The following SLC20A2 variants were observed in gnomAD, a reference collection of about 807,000 sequenced individuals.
The protein encoded by SLC20A2 is sodium-dependent phosphate transporter 2.
Under a neutral mutation model 61.0 loss-of-function variants are expected in SLC20A2, and 30 were observed. The observed-to-expected ratio is 0.49, with a 90% CI of 0.37 to 0.67. The LOEUF (loss-of-function observed/expected upper bound fraction) is 0.67, where lower values mean the gene tolerates loss of function less well. Ranked by LOEUF, SLC20A2 falls within the 30% of genes least tolerant of loss-of-function variation. The pLI, the probability that SLC20A2 is intolerant of heterozygous loss-of-function variation, is 0.00. For synonymous variants in SLC20A2, 351 were observed against 353.3 expected, an observed-to-expected ratio of 0.99 and a Z score of 0.07; for missense variants, 626 against 866.4, an observed-to-expected ratio of 0.72 and a Z score of 3.48.
chr8:42,515,934 G>A (rs1811298708), intron 1 of SLC20A2, among the ~76,000 whole-genome samples: 1 of 152,216 alleles, frequency 6.6e-6, no homozygotes, highest in Admixed American at 6.5e-5. Context: ...AAGCTTGGGT[G>A]CAAACCATGG....
At chr8:42,492,081 G>A (rs1809560499) in intron 1 of SLC20A2, among the ~76,000 whole-genome samples, 1 of 152,194 alleles carries the variant, frequency 6.6e-6, no homozygotes, top group African/African-American at 2.4e-5. Context: ...ACTGGGCTGG[G>A]TGCGGTGGCT....
chr8:42,469,495 G>GA (rs924005136), intron 2 of SLC20A2, among the ~76,000 whole-genome samples: 34 of 152,196 alleles, frequency 2.2e-4, no homozygotes, highest in Non-Finnish European at 7.3e-5. Flanking sequence ...CCCGTCTGCA[G>GA]AAAGAGTGAG....
intron 2 of SLC20A2, among the ~76,000 whole-genome samples, chr8:42,469,561 T>A (rs764023192): frequency 6.6e-6 from 1 of 152,138 alleles, no homozygotes; most frequent in Non-Finnish European, 1.5e-5. Context: ...CAGCGTGGCT[T>A]CCCTAACAAA....
chr8:42,428,698 C>T (rs923058940), intron 10 of SLC20A2, 60 bp downstream of exon 10: 8 of 1,471,554 alleles, frequency 5.4e-6, no homozygotes, highest in African/African-American at 4.2e-5. Context: ...GCATGCGCTC[C>T]GGTGGCCCTG....
In SLC20A2 at chr8:42,465,770, C is replaced by T. The variant is rs891762391; in HGVS notation, c.430+7G>A. Reference sequence around the variant, plus strand: ...CCTTCTTATGGGTAAAAGAAAATGCCAATTACCAATCTTGACAAGCTCCAT... The same window carrying T: ...CCTTCTTATGGGTAAAAGAAAATGCTAATTACCAATCTTGACAAGCTCCAT... On this transcript the variant is annotated splice_region_variant and intron_variant, in intron 3 of 10. Transcript: ENST00000520262. The T allele has an allele frequency of 6.3e-7, 1 of 1,578,934 alleles. No homozygotes were observed. The highest frequency in any genetic ancestry group is 8.6e-7 in the Non-Finnish European group (1 of 1,168,028).
At chr8:42,523,420 T>C (rs79656101) in intron 1 of SLC20A2, among the ~76,000 whole-genome samples, 1,845 of 152,322 alleles carry the variant, frequency 0.012, 39 homozygotes, top group African/African-American at 0.041. Flanking sequence ...ATAGCATAAA[T>C]TCAATGCAAG....
At chr8:42,489,381 T>A (rs1809333074) in intron 1 of SLC20A2, among the ~76,000 whole-genome samples, 1 of 152,210 alleles carries the variant, frequency 6.6e-6, no homozygotes, top group Non-Finnish European at 1.5e-5. Context: ...CTGAAGACTG[T>A]CTGCTAAGTT....
chr8:42,442,428 G>A (rs1804859832), intron 6 of SLC20A2, among the ~76,000 whole-genome samples: 1 of 152,078 alleles, frequency 6.6e-6, no homozygotes, highest in African/African-American at 2.4e-5. Context: ...TTTGGCATAT[G>A]GATGTCAAGT....
At chr8:42,525,242 C>T (rs1207921786) in intron 1 of SLC20A2, among the ~76,000 whole-genome samples, 2 of 152,156 alleles carry the variant, frequency 1.3e-5, no homozygotes, top group Non-Finnish European at 2.9e-5. Context: ...AGAATGCTCA[C>T]GCCTCTGAAA....
intron 1 of SLC20A2, among the ~76,000 whole-genome samples, chr8:42,528,137 A>G (rs1812092648): frequency 6.6e-6 from 1 of 152,192 alleles, no homozygotes; most frequent in East Asian, 1.9e-4. Context: ...ACCACAGGAT[A>G]TTGATAGAGT....
intron 1 of SLC20A2, among the ~76,000 whole-genome samples, chr8:42,530,763 T>G: frequency 6.6e-6 from 1 of 152,202 alleles, no homozygotes; most frequent in Non-Finnish European, 1.5e-5. Flanking sequence ...TCACCCAGGC[T>G]GGAGTGCAGT....
intron 5 of SLC20A2, among the ~76,000 whole-genome samples, chr8:42,455,429 G>C (rs929220007): frequency 6.6e-6 from 1 of 151,794 alleles, no homozygotes; most frequent in Non-Finnish European, 1.5e-5. Flanking sequence ...GGGAGGCTGA[G>C]GCGGGCAGAT....
At chr8:42,462,645 C>A (rs1303526122) in intron 4 of SLC20A2, among the ~76,000 whole-genome samples, 1 of 151,672 alleles carries the variant, frequency 6.6e-6, no homozygotes, top group Non-Finnish European at 1.5e-5. Context: ...AATTCTCCAG[C>A]TGTTTTTTAA....
Position 42,437,294 on chromosome 8 carries a change from G to A in SLC20A2, c.1218C>T (p.Asp406=). ...TCTCACTGTCCTCTGGGGCCGATGA[G>A]TCCGCAGCTCGAAAGGTGGCGTGCA... ...LPVHATFRAA[D]SSAPEDSEKL... The change falls in exon 8 of 11, where the codon GAC becomes GAT. Residue 406 remains aspartate, a synonymous_variant. Transcript: ENST00000520262. The surrounding 1 kb of genome is among the most constrained non-coding windows in gnomAD (Gnocchi z 6.4). 6.2e-7 allele frequency: 1 copy of A among 1,614,176 alleles called. No individual in the cohort carries two copies.
chr8:42,441,987 G>A (rs551496025), intron 6 of SLC20A2, among the ~76,000 whole-genome samples: 1 of 151,256 alleles, frequency 6.6e-6, no homozygotes, highest in East Asian at 1.9e-4. Flanking sequence ...CAAGGGGAGT[G>A]CAATGGCACA....
chr8:42,440,591 T>C (rs1804698827), intron 6 of SLC20A2, among the ~76,000 whole-genome samples: 1 of 152,212 alleles, frequency 6.6e-6, no homozygotes, highest in Non-Finnish European at 1.5e-5. Context: ...CATGTGCAGA[T>C]TTCTGTGTGA....
At chr8:42,448,454 G>A (rs1024850184) in intron 5 of SLC20A2, among the ~76,000 whole-genome samples, 3 of 152,314 alleles carry the variant, frequency 2.0e-5, no homozygotes, top group African/African-American at 7.2e-5. Context: ...CAGGCTCCCA[G>A]CAGGGTCACA....
chr8:42,530,667 C>T (rs764481722), intron 1 of SLC20A2, among the ~76,000 whole-genome samples: 1 of 152,116 alleles, frequency 6.6e-6, no homozygotes, highest in African/African-American at 2.4e-5. Flanking sequence ...GCTAAATAAA[C>T]TTCTTTTAAC....
At chr8:42,451,350 G>C (rs777572947) in intron 5 of SLC20A2, among the ~76,000 whole-genome samples, 20 of 147,490 alleles carry the variant, frequency 1.4e-4, no homozygotes, top group Admixed American at 4.0e-4. Flanking sequence ...GGAAGAGATG[G>C]AGGAGGAGGA....
Sources: gnomAD v4.1 joint callset for allele counts (sites outside exome capture counted in the v4.1 genomes callset) on GRCh38, gnomAD v4.1.1 for gene constraint, Gnocchi (gnomAD v3.1) non-coding constraint, MANE v1.5 for transcripts, NCBI Gene and HGNC (gene_info 2026-07-23, HGNC 2026-07-21) for gene names.